Variants in NOD2 observed in about 807,000 individuals in gnomAD.
The protein encoded by NOD2 is nucleotide-binding oligomerization domain-containing protein 2.
NOD2 carries 86 observed loss-of-function variants against 90.9 expected under a neutral mutation model. The ratio of observed to expected loss-of-function variants is 0.95; its 90% CI spans 0.79 to 1.13. The LOEUF (loss-of-function observed/expected upper bound fraction) is 1.13. Among genes scored for constraint, NOD2 ranks in the 50% most tolerant of loss-of-function variants. The probability of loss-of-function intolerance (pLI) is 0.00; values close to 1 mark genes in which losing one functional copy is unlikely to be tolerated. For missense variants in NOD2, 1,238 were observed against 1,283.8 expected (o/e 0.96, Z 0.55); for synonymous variants, 581 against 554.6 (o/e 1.05, Z -0.67).
In NOD2 at chr16:50,711,182, C is replaced by G; in HGVS notation, c.1190C>G (p.Thr397Ser). The change falls in exon 4 of 12, where the codon ACC (threonine) becomes AGC (serine). Residue 397 changes from threonine to serine, a missense_variant. Thr to Ser is a moderately conservative substitution (Grantham distance 58). Transcript: ENST00000647318. Reference sequence around the variant, plus strand: ...CTGAAGAATGCCCGCAAGGTGGTGACCAGCCGTCCGGCCGCTGTGTCGGCG... The same window carrying G: ...CTGAAGAATGCCCGCAAGGTGGTGAGCAGCCGTCCGGCCGCTGTGTCGGCG... ...NLLKNARKVVTSRPAAVSAFL... is the reference protein window; with the variant it reads ...NLLKNARKVVSSRPAAVSAFL... 1 of 1,614,116 alleles carries G rather than the reference C, an allele frequency of 6.2e-7. No homozygotes were observed. The highest frequency in any genetic ancestry group is 8.5e-7 in the Non-Finnish European group (1 of 1,180,034).
chr16:50,707,919 A>G lies in NOD2; in HGVS notation c.524A>G (p.His175Arg). 2 of 1,614,014 alleles carry G rather than the reference A, an allele frequency of 1.2e-6. No homozygotes were observed. The highest frequency in any genetic ancestry group is 1.6e-4 in the Middle Eastern group (1 of 6,062). Residue 175 changes from histidine (H) to arginine (R), a missense_variant, in exon 3 of 12, where the codon CAT becomes CGT. By Grantham distance (29) the His-to-Arg change is conservative. Coordinates refer to ENST00000647318, the MANE Select transcript of NOD2 (RefSeq NM_001370466.1). ...ANGLAAFLLQ[H>R]VQELPVPLAL... ...GGATTGGCTGCCTTCCTTCTACAACATGTTCAGGAATTACCAGTCCCATTG... is the reference window on the plus strand; with the variant it reads ...GGATTGGCTGCCTTCCTTCTACAACGTGTTCAGGAATTACCAGTCCCATTG...
intron 9 of NOD2, among the ~76,000 whole-genome samples, chr16:50,724,170 G>C (rs995645638): frequency 2.6e-5 from 4 of 152,148 alleles, no homozygotes; most frequent in African/African-American, 9.7e-5. Flanking sequence ...ATAAAATACT[G>C]AATGTTTGAT....
chr16:50,700,107 C>T (rs971270013), intron 2 of NOD2, among the ~76,000 whole-genome samples, 153 bp downstream of exon 2: 2 of 152,196 alleles, frequency 1.3e-5, no homozygotes, highest in Non-Finnish European at 2.9e-5. Context: ...TTGCTCTTGA[C>T]TCTTGGCAGG....
Position 50,711,932 on chromosome 16 carries a change from C to G in NOD2, c.1940C>G (p.Thr647Arg). 6.2e-7 allele frequency: 1 copy of G among 1,611,894 alleles called. No homozygotes were observed. The highest frequency in any genetic ancestry group is 8.5e-7 in the Non-Finnish European group (1 of 1,178,628). Residue 647 changes from threonine (T) to arginine (R), a missense_variant, in exon 4 of 12, where the codon ACA becomes AGA. Thr to Arg is a moderately conservative substitution (Grantham distance 71). Transcript: ENST00000647318. The stretch of plus-strand genomic sequence containing the variant: ...GCCGAGCCGCACAACCTTCAGATCA[C>G]AGCAGCCTTCCTGGCAGGGCTGTTG... ...QKAEPHNLQI[T>R]AAFLAGLLSR...
At chr16:50,714,875 A>G (rs1201061446) in intron 4 of NOD2, among the ~76,000 whole-genome samples, 4 of 152,118 alleles carry the variant, frequency 2.6e-5, no homozygotes, top group African/African-American at 4.8e-5. Context: ...AATGTTACCC[A>G]CAATGATTGA....
At position 50,712,237 on chromosome 16, in the gene NOD2, C is replaced by T. The variant is rs1264795843; in HGVS notation, c.2245C>T (p.Pro749Ser). 2.5e-6 allele frequency: 4 copies of T among 1,613,924 alleles called. No individual in the cohort carries two copies. Among genetic ancestry groups the T allele is most frequent in the Non-Finnish European group, 3.4e-6 (4 of 1,180,048 alleles). Reference protein sequence around the residue: ...HLKLTFCSVGPTECAALAFVL... With the variant: ...HLKLTFCSVGSTECAALAFVL... The stretch of plus-strand genomic sequence containing the variant: ...CAAGTTGACATTTTGCAGTGTGGGC[C>T]CCACTGAGTGTGCTGCCCTGGCCTT... Residue 749 changes from proline (P) to serine (S), a missense_variant, in exon 4 of 12, where the codon CCC (proline) becomes TCC (serine). Physicochemically the swap from Pro to Ser is moderately conservative, Grantham distance 74. Coordinates refer to ENST00000647318, the MANE Select transcript of NOD2 (RefSeq NM_001370466.1).
rs1364334198 is a variant in NOD2 at position 50,711,244 on chromosome 16, A to G, written c.1252A>G (p.Lys418Glu). Reference sequence around the variant, plus strand: ...GTACATCCGCACCGAGTTCAACCTCAAGGGCTTCTCTGAACAGGGCATCGA... The same window carrying G: ...GTACATCCGCACCGAGTTCAACCTCGAGGGCTTCTCTGAACAGGGCATCGA... ...RKYIRTEFNL[K>E]GFSEQGIELY... The change falls in exon 4 of 12, where the codon AAG (lysine) becomes GAG (glutamate). Residue 418 changes from lysine to glutamate, a missense_variant. Physicochemically the swap from Lys to Glu is moderately conservative, Grantham distance 56. This residue lies in a region of NOD2 where 567 missense variants were observed against 577.3 expected (regional missense o/e 0.98). Coordinates refer to ENST00000647318, the MANE Select transcript of NOD2 (RefSeq NM_001370466.1). 6.2e-7 allele frequency: 1 copy of G among 1,613,858 alleles called. No homozygotes were observed. Among genetic ancestry groups the G allele is most frequent in the Non-Finnish European group, 8.5e-7 (1 of 1,180,008 alleles).
At position 50,711,758 on chromosome 16, in the gene NOD2, C is replaced by T. The variant is rs771607438; in HGVS notation, c.1766C>T (p.Ala589Val). The T allele has an allele frequency of 2.5e-6, 4 of 1,614,114 alleles. No individual in the cohort carries two copies. Among genetic ancestry groups the T allele is most frequent in the African/African-American group, 1.3e-5 (1 of 74,952 alleles). Residue 589 changes from alanine (A) to valine (V), a missense_variant, in exon 4 of 12, where the codon GCA becomes GTA. By Grantham distance (64) the Ala-to-Val change is moderately conservative (BLOSUM62 0). Coordinates refer to ENST00000647318, the MANE Select transcript of NOD2 (RefSeq NM_001370466.1). ...FQCFFAAFYLALSADVPPALL... is the reference protein window; with the variant it reads ...FQCFFAAFYLVLSADVPPALL... ...TGCTTCTTTGCCGCGTTCTACCTGG[C>T]ACTCAGTGCTGATGTGCCACCAGCT...
chr16:50,703,700 A>G (rs1018027487), intron 2 of NOD2, among the ~76,000 whole-genome samples: 14 of 151,900 alleles, frequency 9.2e-5, no homozygotes, highest in East Asian at 3.9e-4. Context: ...AAAAAAAAAA[A>G]AAAGAAAGGT....
chr16:50,722,379 A>G (rs1260895376), intron 7 of NOD2, among the ~76,000 whole-genome samples: 2 of 152,176 alleles, frequency 1.3e-5, no homozygotes, highest in East Asian at 1.9e-4. Flanking sequence ...GTAGCCCTCT[A>G]CTATTCTCTA....
At chr16:50,728,396 AT>A (rs1381493662) in intron 10 of NOD2, 1 of 309,688 alleles carries the variant, frequency 3.2e-6, no homozygotes, top group Non-Finnish European at 6.3e-6. Flanking sequence ...CCCATTTTGA[AT>A]TCAAATAAGA....
At position 50,711,990 on chromosome 16, in the gene NOD2, C is replaced by T. The variant is rs1370217865; in HGVS notation, c.1998C>T (p.Cys666=). The change falls in exon 4 of 12, where the codon TGC becomes TGT. Residue 666 remains cysteine (C), a synonymous_variant. Coordinates refer to ENST00000647318, the MANE Select transcript of NOD2 (RefSeq NM_001370466.1). The part of the protein sequence containing the change: ...SREHWGLLAE[C]QTSEKALLRR... The stretch of plus-strand genomic sequence containing the variant: ...AGCACTGGGGCCTGCTGGCTGAGTG[C>T]CAGACATCTGAGAAGGCCCTGCTCC... 1.2e-5 allele frequency: 19 copies of T among 1,613,324 alleles called. No homozygotes were observed. Among genetic ancestry groups the T allele is most frequent in the Non-Finnish European group, 1.5e-5 (18 of 1,179,896 alleles).
In NOD2 at chr16:50,723,631, G is replaced by A. The variant is rs142226455; in HGVS notation, c.2801+247G>A. Among the ~76,000 whole-genome samples the A allele has an allele frequency of 4.2e-3, 638 of 152,252 alleles. 9 individuals are homozygous for A. Among genetic ancestry groups the A allele is most frequent in the African/African-American group, 0.014 (586 of 41,548 alleles). On this transcript the variant is annotated intron_variant, in intron 9 of 11. Coordinates refer to ENST00000647318, the MANE Select transcript of NOD2 (RefSeq NM_001370466.1). ...GCTGGTTTGGTGACTGCCTCCACAT[G>A]GCATAAGTGTTAAGAGCACAGACTC...
chr16:50,721,427 G>T (rs112423156), intron 7 of NOD2, among the ~76,000 whole-genome samples: 76 of 147,048 alleles, frequency 5.2e-4, no homozygotes, highest in Admixed American at 3.7e-3. Context: ...TTTTTGCTTC[G>T]CCATATATTA....
intron 2 of NOD2, among the ~76,000 whole-genome samples, chr16:50,703,226 T>G (rs1035351228): frequency 3.3e-5 from 5 of 152,340 alleles, no homozygotes; most frequent in Admixed American, 6.5e-5. Context: ...GACTTTTGTG[T>G]AAATCATCTC....
At chr16:50,705,768 G>A (rs1596845190) in intron 2 of NOD2, among the ~76,000 whole-genome samples, 1 of 152,140 alleles carries the variant, frequency 6.6e-6, no homozygotes, top group African/African-American at 2.4e-5. Context: ...GCTTTCAGGA[G>A]TCTCCTCAGT....
At chr16:50,697,763 G>C (rs1375208939) in intron 1 of NOD2, 6 of 284,996 alleles carry the variant, frequency 2.1e-5, no homozygotes, top group Non-Finnish European at 3.5e-5. Flanking sequence ...CATTGCCTCA[G>C]TTTCCCCATC....
intron 6 of NOD2, among the ~76,000 whole-genome samples, chr16:50,718,856 G>C (rs770930353): frequency 6.6e-6 from 1 of 152,164 alleles, no homozygotes; most frequent in African/African-American, 2.4e-5. Context: ...ATGTGAGTCC[G>C]GTCCTCCAAG....
In NOD2 at chr16:50,711,553, C is replaced by T; in HGVS notation, c.1561C>T (p.Leu521=). 5 of 1,612,616 alleles carry T rather than the reference C, an allele frequency of 3.1e-6. No homozygotes were observed. The highest frequency in any genetic ancestry group is 1.7e-6 in the Non-Finnish European group (2 of 1,180,014). ...SLLRGRLPTL[L]HLGRLALWGL... ...TCTTCGGGGCCGCCTCCCCACCCTC[C>T]TGCACCTGGGCAGACTGGCTCTGTG... The change falls in exon 4 of 12, where the codon CTG becomes TTG. Residue 521 remains leucine (L), a synonymous_variant. Coordinates refer to ENST00000647318, the MANE Select transcript of NOD2 (RefSeq NM_001370466.1).
Sources: allele counts gnomAD v4.1 joint callset (sites outside exome capture counted in the v4.1 genomes callset), GRCh38; gene constraint gnomAD v4.1.1; regional missense constraint gnomAD v4.1.1; transcripts MANE v1.5; gene names NCBI Gene and HGNC (gene_info 2026-07-23, HGNC 2026-07-21).